KCND2: variants seen among roughly 807,000 people sequenced by gnomAD.
The protein encoded by KCND2 is potassium voltage-gated channel subfamily D member 2.
Under a neutral mutation model 54.4 loss-of-function variants are expected in KCND2, and 16 were observed. That is an observed-to-expected ratio of 0.29 (90% CI 0.20 to 0.45). The LOEUF (loss-of-function observed/expected upper bound fraction) is 0.45, where lower values mean the gene tolerates loss of function less well. Ranked by LOEUF, KCND2 falls within the 20% of genes least tolerant of loss-of-function variation. KCND2 has a pLI of 1.00. For missense variants in KCND2, 486 were observed against 824.2 expected (o/e 0.59, Z 5.02); for synonymous variants, 317 against 310.7 (o/e 1.02, Z -0.21).
At chr7:120,577,928 T>A (rs1186379680) in intron 1 of KCND2, among the ~76,000 whole-genome samples, 2 of 152,048 alleles carry the variant, frequency 1.3e-5, no homozygotes, top group East Asian at 3.9e-4. Context: ...TGGCCAGGCA[T>A]GGCAGTTCAC....
intron 1 of KCND2, among the ~76,000 whole-genome samples, chr7:120,474,862 A>C (rs1802511275): frequency 6.6e-6 from 1 of 151,984 alleles, no homozygotes; most frequent in African/African-American, 2.4e-5. Flanking sequence ...CATCTTCATC[A>C]TCTTCTTACC....
At chr7:120,285,930 AT>A (rs1178937528) in intron 1 of KCND2, among the ~76,000 whole-genome samples, 11 of 151,922 alleles carry the variant, frequency 7.2e-5, no homozygotes. Context: ...TAAAGTGCCT[AT>A]CAATTTAGCA....
intron 1 of KCND2, among the ~76,000 whole-genome samples, chr7:120,288,097 CT>C (rs1554422672): frequency 2.0e-5 from 3 of 152,038 alleles, no homozygotes; most frequent in Non-Finnish European, 4.4e-5. Context: ...GGATTGTGAG[CT>C]TTTAAAGCTA....
chr7:120,351,270 A>ATATATAT (rs1800397806), intron 1 of KCND2, among the ~76,000 whole-genome samples: 1 of 144,022 alleles, frequency 6.9e-6, no homozygotes, highest in African/African-American at 2.5e-5. Flanking sequence ...ATATATATCC[A>ATATATAT]GTATATTATT....
chr7:120,374,469 T>A (rs1205546452), intron 1 of KCND2, among the ~76,000 whole-genome samples: 1 of 151,844 alleles, frequency 6.6e-6, no homozygotes, highest in Non-Finnish European at 1.5e-5. Context: ...GTGATAATTT[T>A]AAGATATTTC....
At chr7:120,410,354 T>C (rs1801430954) in intron 1 of KCND2, among the ~76,000 whole-genome samples, 1 of 152,012 alleles carries the variant, frequency 6.6e-6, no homozygotes, top group African/African-American at 2.4e-5. Context: ...TGTTTAAAAT[T>C]CTTTTTTGGC....
intron 1 of KCND2, among the ~76,000 whole-genome samples, chr7:120,524,577 A>G (rs1346023339): frequency 6.6e-6 from 1 of 152,200 alleles, no homozygotes; most frequent in African/African-American, 2.4e-5. Context: ...ATCTTAATTC[A>G]CAATAATGAC....
At chr7:120,629,224 A>G (rs1793198590) in intron 1 of KCND2, among the ~76,000 whole-genome samples, 1 of 152,246 alleles carries the variant, frequency 6.6e-6, no homozygotes, top group Admixed American at 6.5e-5. Context: ...ACAGTGGCTC[A>G]CGCCTGTAAT....
At chr7:120,376,615 T>C (rs1800838432) in intron 1 of KCND2, among the ~76,000 whole-genome samples, 1 of 151,538 alleles carries the variant, frequency 6.6e-6, no homozygotes, top group South Asian at 2.1e-4. Context: ...GTATCTCTAG[T>C]CCTAAACTTA....
chr7:120,576,443 T>G (rs1792435021), intron 1 of KCND2, among the ~76,000 whole-genome samples: 1 of 152,236 alleles, frequency 6.6e-6, no homozygotes, highest in Admixed American at 6.5e-5. Context: ...TTTAATTTTG[T>G]AAATAATGTT....
intron 1 of KCND2, among the ~76,000 whole-genome samples, chr7:120,303,632 C>G (rs1021542256): frequency 2.0e-5 from 3 of 152,112 alleles, no homozygotes; most frequent in Non-Finnish European, 2.9e-5. Context: ...TTTGGACATT[C>G]CAACATTTAA....
At chr7:120,459,846 C>T (rs1169454085) in intron 1 of KCND2, among the ~76,000 whole-genome samples, 1 of 152,198 alleles carries the variant, frequency 6.6e-6, no homozygotes, top group African/African-American at 2.4e-5. Context: ...TGTGAACTCA[C>T]AGTCCAGGAA....
At position 120,729,801 on chromosome 7, in the gene KCND2, G is replaced by T. The variant is rs546381434; in HGVS notation, c.1116-3102G>T. Among the ~76,000 whole-genome samples, 22 of 152,282 alleles carry T rather than the reference G, an allele frequency of 1.4e-4. No homozygotes were observed. In the South Asian group the frequency reaches 4.1e-3, roughly 29 times the overall value. On this transcript the variant is annotated intron_variant, in intron 1 of 5. Coordinates refer to ENST00000331113, the MANE Select transcript of KCND2 (RefSeq NM_012281.3). ...AAGGAATGTTGGATTATAAAACAAAGAGATGGTAGAGCTAAAAAATAAATA... is the reference window on the plus strand; with the variant it reads ...AAGGAATGTTGGATTATAAAACAAATAGATGGTAGAGCTAAAAAATAAATA...
intron 1 of KCND2, among the ~76,000 whole-genome samples, chr7:120,332,850 T>C (rs572850967): frequency 4.6e-5 from 7 of 152,248 alleles, no homozygotes; most frequent in South Asian, 2.1e-4. Context: ...TAAAGGTTTA[T>C]ATTTAAATTA....
At chr7:120,531,991 C>T (rs1791848363) in intron 1 of KCND2, among the ~76,000 whole-genome samples, 1 of 151,988 alleles carries the variant, frequency 6.6e-6, no homozygotes, top group South Asian at 2.1e-4. Context: ...TTCAAATTCT[C>T]CTCTGAGTTT....
chr7:120,558,892 G>A (rs1792197652), intron 1 of KCND2, among the ~76,000 whole-genome samples: 1 of 152,002 alleles, frequency 6.6e-6, no homozygotes, highest in Non-Finnish European at 1.5e-5. Flanking sequence ...TAGTATAAAA[G>A]GAGATGAATG....
chr7:120,403,407 C>G (rs1801295842), intron 1 of KCND2, among the ~76,000 whole-genome samples: 2 of 151,730 alleles, frequency 1.3e-5, no homozygotes. Flanking sequence ...ACCTCTGCCT[C>G]CCGTGTTCAA....
intron 1 of KCND2, among the ~76,000 whole-genome samples, chr7:120,309,762 G>C (rs1402066151): frequency 6.6e-6 from 1 of 151,714 alleles, no homozygotes; most frequent in Non-Finnish European, 1.5e-5. Flanking sequence ...TCCAATCTCT[G>C]ATCTTGTCAC....
intron 1 of KCND2, among the ~76,000 whole-genome samples, chr7:120,487,817 C>T (rs1282485871): frequency 6.6e-6 from 1 of 152,174 alleles, no homozygotes; most frequent in Admixed American, 6.6e-5. Context: ...CACTTCAGCT[C>T]AGGCTGTTTT....
Sources: allele counts gnomAD v4.1 joint callset (sites outside exome capture counted in the v4.1 genomes callset), GRCh38; gene constraint gnomAD v4.1.1; transcripts MANE v1.5; gene names NCBI Gene and HGNC (gene_info 2026-07-23, HGNC 2026-07-21).